Variants in ZNF225 observed in about 807,000 individuals in gnomAD.
ZNF225 encodes zinc finger protein 225.
ZNF225 carries 6 observed loss-of-function variants against 12.0 expected under a neutral mutation model. The observed-to-expected ratio is 0.50, with a 90% CI of 0.27 to 0.98. ZNF225 has a LOEUF of 0.98. ZNF225 is among the 50% of genes least tolerant of loss of function. The probability of loss-of-function intolerance (pLI) is 0.11; values close to 1 mark genes in which losing one functional copy is unlikely to be tolerated. For missense variants in ZNF225, 763 were observed against 848.2 expected, an observed-to-expected ratio of 0.90 and a Z score of 1.25; for synonymous variants, 271 against 283.2, an observed-to-expected ratio of 0.96 and a Z score of 0.43.
At chr19:44,115,209 T>C (rs959225938) in intron 1 of ZNF225, among the ~76,000 whole-genome samples, 4 of 152,198 alleles carry the variant, frequency 2.6e-5, no homozygotes, top group African/African-American at 7.2e-5. Context: ...TTGAGGTGTA[T>C]TCTACATATC....
intron 4 of ZNF225, among the ~76,000 whole-genome samples, chr19:44,125,538 T>A (rs565871984): frequency 1.4e-4 from 22 of 152,362 alleles, no homozygotes; most frequent in Non-Finnish European, 3.1e-4. Context: ...TGCAATTAAT[T>A]TCCAAAGTGT....
At chr19:44,116,943 TAAAC>T (rs542452215) in intron 2 of ZNF225, among the ~76,000 whole-genome samples, 132 of 135,274 alleles carry the variant, frequency 9.8e-4, no homozygotes, top group African/African-American at 2.7e-3. Context: ...TTATTTTAAA[TAAAC>T]AGTAGTAAAA....
At position 44,114,100 on chromosome 19, in the gene ZNF225, T is replaced by C; in HGVS notation, c.-69+531T>C. On this transcript the variant is annotated intron_variant, in intron 1 of 4. Coordinates refer to ENST00000262894, the MANE Select transcript of ZNF225 (RefSeq NM_013362.4). ...GGAGGGGAGAGGAGCATTTAACTTTTATGGGGCACGGCGACCACGGTCAGA... is the reference window on the plus strand; with the variant it reads ...GGAGGGGAGAGGAGCATTTAACTTTCATGGGGCACGGCGACCACGGTCAGA... 3 of 535,990 alleles carry C rather than the reference T, an allele frequency of 5.6e-6. No homozygotes were observed. In the South Asian group the frequency reaches 9.3e-5, roughly 17 times the overall value. 33.2% of individuals were successfully genotyped at this position (535,990 alleles called of 1,614,324 possible). A position where few individuals can be genotyped will look rare whatever the true frequency, so the allele number is the denominator to read the frequency against.
intron 4 of ZNF225, among the ~76,000 whole-genome samples, chr19:44,123,285 G>A (rs368572301): frequency 3.3e-5 from 5 of 152,078 alleles, no homozygotes; most frequent in African/African-American, 1.2e-4. Context: ...TTTATGTGGT[G>A]TATCACATTT....
chr19:44,118,999 G>A (rs1488273258), intron 4 of ZNF225, among the ~76,000 whole-genome samples: 1 of 152,002 alleles, frequency 6.6e-6, no homozygotes, highest in African/African-American at 2.4e-5. Context: ...TGTATTTTTA[G>A]TAGAGACGGG....
Position 44,132,926 on chromosome 19 carries a change from T to A in ZNF225, c.*191T>A. On this transcript the variant is annotated 3_prime_UTR_variant, in exon 5 of 5. Coordinates refer to ENST00000262894, the MANE Select transcript of ZNF225 (RefSeq NM_013362.4). ...GTTAATTACTGTCACCCTGTAGTGG[T>A]GTAAAACACTAGAACTTATTCCTCC... The A allele has an allele frequency of 2.0e-6, 1 of 509,042 alleles. No individual in the cohort carries two copies. Among genetic ancestry groups the A allele is most frequent in the Non-Finnish European group, 3.3e-6 (1 of 302,284 alleles). The allele number at this position is 509,042 out of a possible 1,614,324, so 31.5% of individuals were successfully genotyped here.
chr19:44,132,491 G>A lies in ZNF225; in HGVS notation c.1877G>A (p.Cys626Tyr), dbSNP rs1254045981. The A allele has an allele frequency of 2.5e-6, 4 of 1,614,174 alleles. No homozygotes were observed. Among genetic ancestry groups the A allele is most frequent in the Non-Finnish European group, 3.4e-6 (4 of 1,180,012 alleles). Reference sequence around the variant, plus strand: ...CACACTGGGGAAAAGCCATACAAATGTGAGAAGTGTGGAAAGAGCTTCAGA... The same window carrying A: ...CACACTGGGGAAAAGCCATACAAATATGAGAAGTGTGGAAAGAGCTTCAGA... Reference protein sequence around the residue: ...RVHTGEKPYKCEKCGKSFRWA... With the variant: ...RVHTGEKPYKYEKCGKSFRWA... Residue 626 changes from cysteine (C) to tyrosine (Y), a missense_variant, in exon 5 of 5, where the codon TGT becomes TAT. By Grantham distance (194) the Cys-to-Tyr change is radical. Transcript: ENST00000262894.
intron 4 of ZNF225, among the ~76,000 whole-genome samples, chr19:44,127,942 C>G (rs2147570298): frequency 6.6e-6 from 1 of 151,690 alleles, no homozygotes; most frequent in East Asian, 1.9e-4. Flanking sequence ...CACTCCTAGC[C>G]AAAAAAAACC....
chr19:44,116,523 G>A (rs901715625), intron 2 of ZNF225, among the ~76,000 whole-genome samples: 1 of 152,112 alleles, frequency 6.6e-6, no homozygotes, highest in Non-Finnish European at 1.5e-5. Context: ...CTCACACAAT[G>A]TTACCAGAAA....
chr19:44,131,393 A>G lies in ZNF225; in HGVS notation c.779A>G (p.His260Arg), dbSNP rs1968254814. ...AAATTACACACAGGAGTGAAACCTC[A>G]TATTTGTGAGAAATGTGGGAAGGCC... ...HRKLHTGVKP[H>R]ICEKCGKAFI... The change falls in exon 5 of 5, where the codon CAT becomes CGT. Residue 260 changes from histidine (H) to arginine (R), a missense_variant. Coordinates refer to ENST00000262894, the MANE Select transcript of ZNF225 (RefSeq NM_013362.4). 1 of 1,614,242 alleles carries G rather than the reference A, an allele frequency of 6.2e-7. No individual in the cohort carries two copies. The highest frequency in any genetic ancestry group is 8.5e-7 in the Non-Finnish European group (1 of 1,180,034).
upstream of ZNF225, chr19:44,112,688 T>C (rs972552036): frequency 1.3e-5 from 2 of 152,202 alleles, no homozygotes; most frequent in African/African-American, 4.8e-5. Context: ...AAACACTCAA[T>C]AGAAATGTGG....
Position 44,132,468 on chromosome 19 carries a change from C to T in ZNF225, c.1854C>T (p.His618=), listed in dbSNP as rs752158607. ...NSQLHSHQRV[H]TGEKPYKCEK... is the part of the protein sequence containing the mutation. ...AGCTTCATTCCCATCAGAGGGTTCA[C>T]ACTGGGGAAAAGCCATACAAATGTG... Residue 618 remains histidine (H), a synonymous_variant, in exon 5 of 5, where the codon CAC becomes CAT. Coordinates refer to ENST00000262894, the MANE Select transcript of ZNF225 (RefSeq NM_013362.4). The T allele has an allele frequency of 4.4e-5, 71 of 1,614,030 alleles. No homozygotes were observed. In the Admixed American group the frequency reaches 1.2e-3, roughly 26 times the overall value.
intron 4 of ZNF225, chr19:44,130,566 C>T (rs772982108): frequency 5.3e-5 from 14 of 262,250 alleles, no homozygotes; most frequent in South Asian, 4.2e-4. Context: ...GGCGTGGTGG[C>T]GGGCGCCTAT....
At position 44,113,407 on chromosome 19, in the gene ZNF225, A is replaced by G. The variant is rs1482593355; in HGVS notation, c.-231A>G. On this transcript the variant is annotated 5_prime_UTR_variant, in exon 1 of 5. Transcript: ENST00000262894. ...GTGGAGTCCAGACACTCAGTGGAGT[A>G]GCGGGCCACTTCCGCTCCGTTACTG... 1 of 152,252 alleles carries G rather than the reference A, an allele frequency of 6.6e-6. No homozygotes were observed. The highest frequency in any genetic ancestry group is 1.5e-5 in the Non-Finnish European group (1 of 68,098). The allele number at this position is 152,252 out of a possible 1,614,324, so 9.4% of individuals were successfully genotyped here. A position where few individuals can be genotyped will look rare whatever the true frequency, so the allele number is the denominator to read the frequency against.
Position 44,132,175 on chromosome 19 carries a change from T to G in ZNF225, c.1561T>G (p.Phe521Val), listed in dbSNP as rs1408519643. The G allele has an allele frequency of 6.2e-7, 1 of 1,613,920 alleles. No homozygotes were observed. The highest frequency in any genetic ancestry group is 8.5e-7 in the Non-Finnish European group (1 of 1,179,994). ...CAAATGTGAAGAGTGTGGGAAAAGA[T>G]TTACTCAGAATTCACAACTTTATTC... The part of the protein sequence containing the change: ...PFKCEECGKR[F>V]TQNSQLYSHR... Residue 521 changes from phenylalanine to valine, a missense_variant, in exon 5 of 5, where the codon TTT (phenylalanine) becomes GTT (valine). By Grantham distance (50) the Phe-to-Val change is conservative (BLOSUM62 -1). Transcript: ENST00000262894.
chr19:44,131,876 C>T lies in ZNF225; in HGVS notation c.1262C>T (p.Ala421Val), dbSNP rs765142358. 25 of 1,613,552 alleles carry T rather than the reference C, an allele frequency of 1.5e-5. No homozygotes were observed. The highest frequency in any genetic ancestry group is 8.3e-5 in the Admixed American group (5 of 59,956). ...TCACAACGTTATTCTCACCAGAGAG[C>T]GCACAGTGGAGAAAAGCCATATAGA... The part of the protein sequence containing the change: ...TNSQRYSHQR[A>V]HSGEKPYRCE... The change falls in exon 5 of 5, where the codon GCG becomes GTG. Residue 421 changes from alanine (A) to valine (V), a missense_variant. Physicochemically the swap from Ala to Val is moderately conservative, Grantham distance 64. Coordinates refer to ENST00000262894, the MANE Select transcript of ZNF225 (RefSeq NM_013362.4).
In ZNF225 at chr19:44,118,164, G is replaced by A. The variant is rs548588769; in HGVS notation, c.16-24G>A. On this transcript the variant is annotated intron_variant, in intron 2 of 4. Coordinates refer to ENST00000262894, the MANE Select transcript of ZNF225 (RefSeq NM_013362.4). Reference sequence around the variant, plus strand: ...CAGTAGTCATTGGTCATGAGACTGAGGTTGCATATGTTCGATGCTGTAGGA... The same window carrying A: ...CAGTAGTCATTGGTCATGAGACTGAAGTTGCATATGTTCGATGCTGTAGGA... 34 of 1,603,164 alleles carry A rather than the reference G, an allele frequency of 2.1e-5. 1 individual carries two copies. Among genetic ancestry groups the A allele is most frequent in the Admixed American group, 3.5e-5 (2 of 57,928 alleles).
At chr19:44,118,609 A>G (rs781045777) in intron 4 of ZNF225, 35 bp downstream of exon 4, 3 of 1,589,216 alleles carry the variant, frequency 1.9e-6, no homozygotes, top group Non-Finnish European at 2.6e-6. Context: ...CTTGTGCGTG[A>G]CTCTCCCATC....
intron 4 of ZNF225, among the ~76,000 whole-genome samples, chr19:44,118,918 G>A (rs1357775703): frequency 2.6e-5 from 4 of 151,400 alleles, no homozygotes; most frequent in Admixed American, 6.6e-5. Context: ...CCGGGTTCAC[G>A]CCATTCTCCT....
Sources: gnomAD v4.1 joint callset for allele counts (sites outside exome capture counted in the v4.1 genomes callset) on GRCh38, gnomAD v4.1.1 for gene constraint, MANE v1.5 for transcripts, NCBI Gene and HGNC (gene_info 2026-07-23, HGNC 2026-07-21) for gene names.